SLC2A9: variants seen among roughly 807,000 people sequenced by gnomAD.
SLC2A9 encodes solute carrier family 2, facilitated glucose transporter member 9.
Under a neutral mutation model 50.6 loss-of-function variants are expected in SLC2A9, and 39 were observed. The observed-to-expected ratio is 0.77, with a 90% CI of 0.60 to 1.01. SLC2A9 has a LOEUF of 1.01. Ranked by LOEUF, SLC2A9 falls within the 50% of genes least tolerant of loss-of-function variation. SLC2A9 has a pLI of 0.00. For missense variants in SLC2A9, 686 were observed against 677.6 expected, an observed-to-expected ratio of 1.01 and a Z score of -0.14; for synonymous variants, 324 against 276.9, an observed-to-expected ratio of 1.17 and a Z score of -1.69.
downstream of SLC2A9, among the ~76,000 whole-genome samples, chr4:9,779,218 C>T (rs59310744): frequency 1.1e-3 from 167 of 152,194 alleles, no homozygotes; most frequent in African/African-American, 3.8e-3. Context: ...CTGTCTTCCC[C>T]TTTGCCTACT....
intron 10 of SLC2A9, among the ~76,000 whole-genome samples, chr4:9,846,540 T>C (rs958057573): frequency 1.3e-5 from 2 of 152,230 alleles, no homozygotes; most frequent in African/African-American, 2.4e-5. Context: ...CTGGCTCTGC[T>C]GACCACCAGG....
chr4:10,040,207 G>C (rs1764238534), exon 1 of SLC2A9: 1 of 152,206 alleles, frequency 6.6e-6, no homozygotes, highest in Admixed American at 6.5e-5. Flanking sequence ...CTGGAGTCCA[G>C]AATGTTTAAT....
chr4:9,789,875 G>T (rs1017704534), intron 3 of SLC2A9, among the ~76,000 whole-genome samples: 1 of 152,168 alleles, frequency 6.6e-6, no homozygotes. Context: ...GACCATTCCT[G>T]TCCTGAAAAC....
intron 3 of SLC2A9, among the ~76,000 whole-genome samples, chr4:9,819,561 T>C (rs1287249776): frequency 6.6e-6 from 1 of 152,252 alleles, no homozygotes; most frequent in Non-Finnish European, 1.5e-5. Context: ...TGATACAAGT[T>C]CTTTGGTGGA....
intron 8 of SLC2A9, among the ~76,000 whole-genome samples, chr4:9,899,759 A>C (rs1739248393): frequency 6.6e-6 from 1 of 152,204 alleles, no homozygotes; most frequent in Non-Finnish European, 1.5e-5. Context: ...AGTATAACAA[A>C]TTAAAATGTC....
downstream of SLC2A9, among the ~76,000 whole-genome samples, chr4:9,822,118 T>C (rs1724488684): frequency 6.6e-6 from 1 of 152,184 alleles, no homozygotes; most frequent in African/African-American, 2.4e-5. Flanking sequence ...CTATCTCTCT[T>C]ATCCTCTCTT....
chr4:9,934,782 G>T (rs937155517), intron 6 of SLC2A9, among the ~76,000 whole-genome samples: 1 of 152,150 alleles, frequency 6.6e-6, no homozygotes, highest in Non-Finnish European at 1.5e-5. Flanking sequence ...GCATGCATTA[G>T]CTATTTGTCC....
intron 3 of SLC2A9, among the ~76,000 whole-genome samples, chr4:9,986,978 G>C (rs186972585): frequency 8.5e-5 from 13 of 152,120 alleles, no homozygotes; most frequent in Non-Finnish European, 1.5e-4. Context: ...TTGAACTCTT[G>C]CTATAGGATA....
intron 2 of SLC2A9, 39 bp from the exon 3 acceptor site, chr4:9,996,980 C>G (rs752914395): frequency 6.2e-7 from 1 of 1,611,568 alleles, no homozygotes; most frequent in South Asian, 1.1e-5. Flanking sequence ...TCCTTCTGTT[C>G]TCTCCTGCTG....
intron 3 of SLC2A9, among the ~76,000 whole-genome samples, chr4:9,994,031 G>A (rs903147239): frequency 6.6e-6 from 1 of 152,190 alleles, no homozygotes; most frequent in Non-Finnish European, 1.5e-5. Context: ...GGGCCTCCCA[G>A]GCTGCCATTG....
chr4:9,946,767 C>T (rs1038918711), intron 5 of SLC2A9, among the ~76,000 whole-genome samples: 1 of 152,182 alleles, frequency 6.6e-6, no homozygotes, highest in African/African-American at 2.4e-5. Flanking sequence ...CTAAATACAA[C>T]CTTGATCTTT....
chr4:9,812,485 G>T (rs1011299532), intron 3 of SLC2A9, among the ~76,000 whole-genome samples: 7 of 150,658 alleles, frequency 4.6e-5, no homozygotes, highest in African/African-American at 1.7e-4. Flanking sequence ...CATAGTTCCA[G>T]CATAAACATG....
chr4:9,971,052 G>A lies in SLC2A9; in HGVS notation c.681+9540C>T, dbSNP rs1753833149. ...TCATGTAAAATCTTTAGTGTTGTGA[G>A]CCCCTAAAAAGGACAGAAATTGTGC... On this transcript the variant is annotated intron_variant, in intron 5 of 11. Transcript: ENST00000264784. Among the ~76,000 whole-genome samples the A allele has an allele frequency of 2.0e-5, 3 of 152,106 alleles. No homozygotes were observed. In the South Asian group the frequency reaches 6.2e-4, roughly 32 times the overall value.
At chr4:9,776,360 G>A (rs1185916994), downstream of SLC2A9, among the ~76,000 whole-genome samples, 11 of 151,856 alleles carry the variant, frequency 7.2e-5, no homozygotes, top group African/African-American at 4.8e-5. Context: ...CATCCTTCTC[G>A]CCACTGATAT....
At chr4:10,005,120 A>G (rs1482986195) in intron 2 of SLC2A9, among the ~76,000 whole-genome samples, 1 of 152,196 alleles carries the variant, frequency 6.6e-6, no homozygotes, top group Non-Finnish European at 1.5e-5. Flanking sequence ...AAGGAGTTCA[A>G]GATCTAGTGG....
intron 3 of SLC2A9, among the ~76,000 whole-genome samples, chr4:9,793,155 G>A (rs1419509883): frequency 1.3e-5 from 2 of 152,232 alleles, no homozygotes; most frequent in African/African-American, 4.8e-5. Flanking sequence ...TTTGCAGCCT[G>A]AACAGAAACG....
rs6840802 is a variant in SLC2A9, at chr4:9,964,009, C to A, written c.681+16583G>T. 5.3e-5 allele frequency among the ~76,000 whole-genome samples: 8 copies of A among 151,906 alleles called. No individual in the cohort carries two copies. The East Asian group carries it at 7.7e-4, about 15-fold the overall frequency. ...GGGTGGATGGGTGGAGATAAAGAGCCTGGAGCCAGGTCATACGGACCTGGC... is the reference window on the plus strand; with the variant it reads ...GGGTGGATGGGTGGAGATAAAGAGCATGGAGCCAGGTCATACGGACCTGGC... On this transcript the variant is annotated intron_variant, in intron 5 of 11. Transcript: ENST00000264784.
At chr4:9,927,266 G>A (rs183991328) in intron 6 of SLC2A9, among the ~76,000 whole-genome samples, 3 of 152,110 alleles carry the variant, frequency 2.0e-5, no homozygotes, top group Non-Finnish European at 2.9e-5. Context: ...ATCCACCCGC[G>A]TTGGCCTCCC....
rs552744999 is a variant in SLC2A9 at position 9,976,284 on chromosome 4, A to G, written c.681+4308T>C. ...GAAGTCATAAAATAAATAAATAGCT[A>G]CCTTCTTGCTAACCCTCCTTCACCC... On this transcript the variant is annotated intron_variant, in intron 5 of 11. Transcript: ENST00000264784. Among the ~76,000 whole-genome samples the G allele has an allele frequency of 5.3e-5, 8 of 152,272 alleles. No individual in the cohort carries two copies. The East Asian group carries it at 1.2e-3, about 22-fold the overall frequency.
Sources: gnomAD v4.1 joint callset for allele counts (sites outside exome capture counted in the v4.1 genomes callset) on GRCh38, gnomAD v4.1.1 for gene constraint, MANE v1.5 for transcripts, NCBI Gene and HGNC (gene_info 2026-07-23, HGNC 2026-07-21) for gene names.